PHLPP1: variants seen among roughly 807,000 people sequenced by gnomAD.
PHLPP1 encodes the protein PH domain leucine-rich repeat-containing protein phosphatase 1.
A neutral mutation model predicts 117.2 loss-of-function variants in PHLPP1; 42 were observed. That is an observed-to-expected ratio of 0.36 (90% CI 0.28 to 0.46). The LOEUF is 0.46. Ranked by LOEUF, PHLPP1 falls within the 20% of genes least tolerant of loss-of-function variation. The pLI, the probability that PHLPP1 is intolerant of heterozygous loss-of-function variation, is 1.00. For missense variants in PHLPP1, 2,084 were observed against 2,241.9 expected (o/e 0.93, Z 1.42); for synonymous variants, 1,042 against 970.7 (o/e 1.07, Z -1.37).
At chr18:62,814,092 A>G (rs554526474) in intron 1 of PHLPP1, among the ~76,000 whole-genome samples, 1 of 152,322 alleles carries the variant, frequency 6.6e-6, no homozygotes, top group East Asian at 1.9e-4. Flanking sequence ...TCAGGAATTT[A>G]GAGATTATCA....
At chr18:62,779,522 T>A (rs1398437930) in intron 1 of PHLPP1, 1 of 152,208 alleles carries the variant, frequency 6.6e-6, no homozygotes, top group Non-Finnish European at 1.5e-5. Flanking sequence ...TGTATCATCA[T>A]CCTCACTGAA....
chr18:62,823,868 A>G (rs530089033), intron 1 of PHLPP1, among the ~76,000 whole-genome samples: 12 of 152,256 alleles, frequency 7.9e-5, no homozygotes, highest in African/African-American at 2.9e-4. Flanking sequence ...GCGGTGGCTT[A>G]TTCCTGTAAT....
In PHLPP1 at chr18:62,860,460, T is replaced by C. The variant is rs749699464; in HGVS notation, c.1925T>C (p.Val642Ala). ...SKVASQRISS[V>A]DLSCCSLEHL... ...GTTGCATCCCAGCGCATTAGCTCAG[T>C]GGACCTCTCGTGTTGTAGCCTGGAA... Residue 642 changes from valine to alanine, a missense_variant, in exon 4 of 17, where the codon GTG (valine) becomes GCG (alanine). Physicochemically the swap from Val to Ala is moderately conservative, Grantham distance 64. Around this residue, in one of 2 missense-constraint regions of PHLPP1, gnomAD observed 1,365 missense variants for 1,605.9 expected, o/e 0.85. Coordinates refer to ENST00000262719, the MANE Select transcript of PHLPP1 (RefSeq NM_194449.4). The C allele has an allele frequency of 6.2e-7, 1 of 1,613,970 alleles. No individual in the cohort carries two copies. Among genetic ancestry groups the C allele is most frequent in the South Asian group, 1.1e-5 (1 of 91,084 alleles).
intron 12 of PHLPP1, among the ~76,000 whole-genome samples, chr18:62,954,638 ACCT>A (rs2144470646): frequency 6.6e-6 from 1 of 151,900 alleles, no homozygotes; most frequent in African/African-American, 2.4e-5. Context: ...CTGTGAACGA[ACCT>A]CCTTCCTGTG....
At position 62,762,348 on chromosome 18, in the gene PHLPP1, A is replaced by C. The variant is rs556018401; in HGVS notation, c.1576+45089A>C. On this transcript the variant is annotated intron_variant, in intron 1 of 16. Transcript: ENST00000262719. ...ATCTTTCTGTAATTATTAAAAAAAAAAAACCTTAAAAGAAACTAGTGTTTT... is the reference window on the plus strand; with the variant it reads ...ATCTTTCTGTAATTATTAAAAAAAACAAACCTTAAAAGAAACTAGTGTTTT... 4.6e-5 allele frequency among the ~76,000 whole-genome samples: 7 copies of C among 150,660 alleles called. No homozygotes were observed. In the East Asian group the frequency reaches 1.3e-3, roughly 29 times the overall value.
intron 8 of PHLPP1, chr18:62,906,388 G>C (rs1342543428): frequency 5.3e-5 from 8 of 151,360 alleles, no homozygotes; most frequent in Admixed American, 5.3e-4. Context: ...ATTTCCATCT[G>C]AGGTACCGGG....
intron 1 of PHLPP1, among the ~76,000 whole-genome samples, chr18:62,780,448 T>C (rs1187790947): frequency 6.6e-6 from 1 of 152,240 alleles, no homozygotes; most frequent in Non-Finnish European, 1.5e-5. Context: ...ATGATTGACT[T>C]GGCCTCATGT....
At chr18:62,869,034 G>T (rs1354605480) in intron 4 of PHLPP1, among the ~76,000 whole-genome samples, 1 of 152,208 alleles carries the variant, frequency 6.6e-6, no homozygotes, top group African/African-American at 2.4e-5. Context: ...TACTCAAGCT[G>T]TATGTATAAC....
intron 11 of PHLPP1, among the ~76,000 whole-genome samples, chr18:62,942,829 C>T (rs1218464306): frequency 2.0e-5 from 3 of 152,148 alleles, no homozygotes; most frequent in Non-Finnish European, 2.9e-5. Flanking sequence ...TCAGGGCTAC[C>T]AGTCTGTTCG....
intron 1 of PHLPP1, among the ~76,000 whole-genome samples, chr18:62,760,678 T>C (rs2144247777): frequency 6.6e-6 from 1 of 152,316 alleles, no homozygotes; most frequent in East Asian, 1.9e-4. Context: ...ACGTCCACAT[T>C]GTAAACTAGA....
intron 1 of PHLPP1, among the ~76,000 whole-genome samples, chr18:62,808,605 T>G (rs950487694): frequency 1.5e-4 from 22 of 150,586 alleles, no homozygotes; most frequent in African/African-American, 5.4e-4. Flanking sequence ...CAGGCTGGGG[T>G]GCAATGGCAC....
intron 11 of PHLPP1, 85 bp downstream of exon 11, chr18:62,942,003 C>T: frequency 9.2e-7 from 1 of 1,082,374 alleles, no homozygotes; most frequent in Non-Finnish European, 1.4e-6. Flanking sequence ...TATTTATTTC[C>T]CAGGTGATGT....
intron 2 of PHLPP1, among the ~76,000 whole-genome samples, chr18:62,835,890 C>T (rs1368811265): frequency 1.3e-5 from 2 of 149,338 alleles, no homozygotes; most frequent in African/African-American, 4.9e-5. Flanking sequence ...AAGCGATTCT[C>T]CTGCCTCAGC....
intron 13 of PHLPP1, among the ~76,000 whole-genome samples, chr18:62,959,169 G>A (rs909810919): frequency 7.9e-5 from 12 of 152,110 alleles, no homozygotes; most frequent in Non-Finnish European, 1.8e-4. Flanking sequence ...ATTAGTGGTT[G>A]GAGTTTTCTA....
At chr18:62,775,853 TATCTACCCTTGACCTAGGG>T (rs1158696088) in intron 1 of PHLPP1, among the ~76,000 whole-genome samples, 1 of 152,204 alleles carries the variant, frequency 6.6e-6, no homozygotes, top group East Asian at 1.9e-4. Flanking sequence ...GTTTATCCTC[TATCTACCCTTGACCTAGGG>T]AACCAAGTTC....
chr18:62,955,538 A>T (rs1307270159), intron 12 of PHLPP1, among the ~76,000 whole-genome samples: 2 of 152,174 alleles, frequency 1.3e-5, no homozygotes, highest in Non-Finnish European at 2.9e-5. Flanking sequence ...GCTGCAGTGA[A>T]TCAGAGACTC....
At chr18:62,815,825 T>A (rs1414531261) in intron 1 of PHLPP1, among the ~76,000 whole-genome samples, 1 of 152,256 alleles carries the variant, frequency 6.6e-6, no homozygotes, top group African/African-American at 2.4e-5. Flanking sequence ...AAACTTGTTC[T>A]GTTCTTAAAC....
chr18:62,782,045 C>T (rs988617912), intron 1 of PHLPP1, among the ~76,000 whole-genome samples: 13 of 152,182 alleles, frequency 8.5e-5, no homozygotes, highest in Non-Finnish European at 1.6e-4. Flanking sequence ...GTCATGAATT[C>T]TCTGTTGTCC....
chr18:62,895,242 C>A, intron 5 of PHLPP1, 85 bp downstream of exon 5: 1 of 1,376,436 alleles, frequency 7.3e-7, no homozygotes, highest in Non-Finnish European at 1.0e-6. Context: ...GATTAGTTAA[C>A]TTGTTATGTT....
Sources: allele counts gnomAD v4.1 joint callset (sites outside exome capture counted in the v4.1 genomes callset), GRCh38; gene constraint gnomAD v4.1.1; regional missense constraint gnomAD v4.1.1; transcripts MANE v1.5; gene names NCBI Gene and HGNC (gene_info 2026-07-23, HGNC 2026-07-21).